The following LINGO2 variants were observed in gnomAD, a reference collection of about 807,000 sequenced individuals.
LINGO2 encodes the protein leucine rich repeat and Ig domain containing 2.
Under a neutral mutation model 30.6 loss-of-function variants are expected in LINGO2, and 14 were observed. That is an observed-to-expected ratio of 0.46 (90% confidence interval 0.30 to 0.72). The LOEUF (loss-of-function observed/expected upper bound fraction) is 0.72. Among genes scored for constraint, LINGO2 ranks in the 30% least tolerant of loss-of-function variants. The pLI is 0.07. For missense variants in LINGO2, 729 were observed against 751.7 expected (o/e 0.97, Z 0.35); for synonymous variants, 317 against 288.5 (o/e 1.10, Z -1.00).
At position 27,999,975 on chromosome 9, in the gene LINGO2, AAAT is replaced by A. The variant is rs148703816; in HGVS notation, c.-36+12377_-36+12379del. Among the ~76,000 whole-genome samples, 1,303 of 152,332 alleles carry A rather than the reference AAAT, an allele frequency of 8.6e-3. 102 individuals are homozygous for A. In the East Asian group the frequency reaches 0.17, roughly 20 times the overall value. On this transcript the variant is annotated intron_variant, in intron 5 of 5. Transcript: ENST00000379992. ...TATTAGCTCCACTATACATGATGTC[AAAT>A]AATTGTTGTTACGGTACTTGAAATA...
At chr9:28,760,566 T>A in the LINGO2 span, among the ~76,000 whole-genome samples, 3 of 152,116 alleles carry the variant, frequency 2.0e-5, no homozygotes, top group African/African-American at 7.2e-5. Flanking sequence ...ATGAGTAAGT[T>A]CTTTAGCGGT....
intron 4 of LINGO2, among the ~76,000 whole-genome samples, chr9:28,086,977 T>C (rs1434570565): frequency 1.3e-5 from 2 of 152,168 alleles, no homozygotes; most frequent in Non-Finnish European, 1.5e-5. Flanking sequence ...AACCTTTGGA[T>C]CAGAGTTAGA....
At chr9:28,095,809 C>A (rs143710881) in intron 4 of LINGO2, among the ~76,000 whole-genome samples, 5,844 of 152,178 alleles carry the variant, frequency 0.038, 363 homozygotes, top group African/African-American at 0.13. Context: ...GCAACCTGCT[C>A]ATCTGACAAA....
chr9:28,404,989 T>C (rs557041302), intron 2 of LINGO2, among the ~76,000 whole-genome samples: 21 of 151,946 alleles, frequency 1.4e-4, no homozygotes, highest in African/African-American at 4.8e-4. Flanking sequence ...AGGAATTTCA[T>C]TTGGAGCAAG....
At chr9:29,120,492 C>G in the LINGO2 span, among the ~76,000 whole-genome samples, 79 of 152,246 alleles carry the variant, frequency 5.2e-4, no homozygotes, top group African/African-American at 1.9e-3. Flanking sequence ...TTCTAGTAAA[C>G]AGTTAAATAA....
At chr9:28,834,039 T>C in the LINGO2 span, among the ~76,000 whole-genome samples, 4 of 151,922 alleles carry the variant, frequency 2.6e-5, no homozygotes, top group Non-Finnish European at 5.9e-5. Flanking sequence ...TTTTTTCTTG[T>C]TCCTTTTGGA....
chr9:28,395,600 G>A (rs1248638048), intron 2 of LINGO2, among the ~76,000 whole-genome samples: 1 of 152,094 alleles, frequency 6.6e-6, no homozygotes, highest in East Asian at 1.9e-4. Context: ...TACCCATATG[G>A]CAAGTTAACC....
chr9:29,144,125 A>G, the LINGO2 span, among the ~76,000 whole-genome samples: 4,397 of 152,068 alleles, frequency 0.029, 201 homozygotes, highest in African/African-American at 0.099. Flanking sequence ...CCATCGGTTT[A>G]TGTGTTTGTT....
intron 3 of LINGO2, among the ~76,000 whole-genome samples, chr9:28,345,450 C>T (rs2134410189): frequency 6.6e-6 from 1 of 152,198 alleles, no homozygotes; most frequent in African/African-American, 2.4e-5. Context: ...AGAATGACCT[C>T]TCAAATATAG....
chr9:28,785,798 TATC>T, the LINGO2 span, among the ~76,000 whole-genome samples: 1 of 152,192 alleles, frequency 6.6e-6, no homozygotes, highest in Non-Finnish European at 1.5e-5. Context: ...GATGAAGGCT[TATC>T]ATCTTGGCAA....
intron 3 of LINGO2, among the ~76,000 whole-genome samples, chr9:28,323,828 GAC>G (rs1415001041): frequency 6.6e-6 from 1 of 152,054 alleles, no homozygotes; most frequent in Admixed American, 6.6e-5. Flanking sequence ...GGAATCATCA[GAC>G]ATATAATTTG....
At chr9:28,863,737 C>A in the LINGO2 span, 2 of 469,710 alleles carry the variant, frequency 4.3e-6, no homozygotes, top group South Asian at 1.6e-5. Context: ...ACCTATGAAC[C>A]AACAAAAACA....
the LINGO2 span, among the ~76,000 whole-genome samples, chr9:28,918,451 C>A: frequency 1.3e-5 from 2 of 152,248 alleles, no homozygotes; most frequent in East Asian, 1.9e-4. Flanking sequence ...ATCATTTGGA[C>A]AAAACTTCCA....
chr9:29,155,001 C>G, the LINGO2 span, among the ~76,000 whole-genome samples: 3 of 152,138 alleles, frequency 2.0e-5, no homozygotes, highest in Non-Finnish European at 4.4e-5. Context: ...AATTCCTCAG[C>G]AACAAAAGAG....
intron 1 of LINGO2, among the ~76,000 whole-genome samples, chr9:28,501,643 C>T (rs1473918700): frequency 6.6e-6 from 1 of 151,994 alleles, no homozygotes; most frequent in Non-Finnish European, 1.5e-5. Flanking sequence ...AAAGAAAATC[C>T]ACCTGTCTAC....
the LINGO2 span, among the ~76,000 whole-genome samples, chr9:29,024,475 C>A: frequency 2.0e-5 from 3 of 152,074 alleles, no homozygotes; most frequent in Non-Finnish European, 4.4e-5. Flanking sequence ...TTAATGACAT[C>A]ACTTCCCATT....
intron 1 of LINGO2, among the ~76,000 whole-genome samples, chr9:28,548,346 T>C (rs1055492675): frequency 3.5e-4 from 54 of 152,192 alleles, no homozygotes; most frequent in African/African-American, 1.2e-3. Flanking sequence ...ACAGTAAACG[T>C]AGTTACACTA....
intron 4 of LINGO2, among the ~76,000 whole-genome samples, chr9:28,172,622 A>G (rs1828635539): frequency 3.3e-5 from 5 of 152,242 alleles, no homozygotes; most frequent in African/African-American, 1.2e-4. Flanking sequence ...ATGAAGAAGT[A>G]GCTTTGGAGG....
At chr9:28,488,871 T>C (rs1209716737) in intron 1 of LINGO2, among the ~76,000 whole-genome samples, 1 of 152,186 alleles carries the variant, frequency 6.6e-6, no homozygotes, top group Non-Finnish European at 1.5e-5. Context: ...TGTCATCAAA[T>C]TGTGTGATGG....
Sources: allele counts gnomAD v4.1 joint callset (sites outside exome capture counted in the v4.1 genomes callset), GRCh38; gene constraint gnomAD v4.1.1; transcripts MANE v1.5; gene names NCBI Gene and HGNC (gene_info 2026-07-23, HGNC 2026-07-21).